Variants in ANKFN1 observed in about 807,000 individuals in gnomAD.
ANKFN1 encodes the protein ankyrin repeat and fibronectin type III domain containing 1, also known as ankyrin repeat and fibronectin type-III domain-containing protein 1.
Under a neutral mutation model 108.7 loss-of-function variants are expected in ANKFN1, and 74 were observed. The ratio of observed to expected loss-of-function variants is 0.68; its 90% CI spans 0.56 to 0.83. ANKFN1 has a LOEUF of 0.83. ANKFN1 is among the 40% of genes least tolerant of loss of function. The pLI is 0.00. For synonymous variants in ANKFN1, 547 were observed against 516.2 expected, an observed-to-expected ratio of 1.06 and a Z score of -0.81; for missense variants, 1,505 against 1,382.3, an observed-to-expected ratio of 1.09 and a Z score of -1.41.
At chr17:56,508,550 C>T (rs929696216) in intron 20 of ANKFN1, among the ~76,000 whole-genome samples, 2 of 151,982 alleles carry the variant, frequency 1.3e-5, no homozygotes, top group East Asian at 1.9e-4. Flanking sequence ...ATCCTCTTAT[C>T]GTTTGTATAT....
rs543341692 is a variant in ANKFN1, at chr17:56,393,740, TACTCATTCATTC to T, written c.910+19041_910+19052del. On this transcript the variant is annotated intron_variant, in intron 8 of 20. Transcript: ENST00000682825. ...GGGAGCATATAGTTAAGATGTCATT[TACTCATTCATTC>T]ACTCATTCATTCACCCATCATTCAA... 5.5e-3 allele frequency among the ~76,000 whole-genome samples: 835 copies of T among 152,368 alleles called. 6 individuals carry two copies. The highest frequency in any genetic ancestry group is 0.019 in the African/African-American group (786 of 41,580).
rs185826862 is a variant in ANKFN1 at position 56,293,819 on chromosome 17, C to T, written c.54-32402C>T. On this transcript the variant is annotated intron_variant, in intron 3 of 20. Coordinates refer to ENST00000682825, the MANE Select transcript of ANKFN1 (RefSeq NM_001370326.1). ...TTAGGCCATTTGTTGGTCCTTGGCT[C>T]CTTGAGGGAGAGAGCTGGGCCCTAA... Among the ~76,000 whole-genome samples the T allele has an allele frequency of 3.7e-4, 57 of 152,308 alleles. 1 individual carries two copies. Among genetic ancestry groups the T allele is most frequent in the Non-Finnish European group, 5.6e-4 (38 of 68,024 alleles).
At chr17:56,117,322 C>G (rs1178592125) in intron 4 of ANKFN1, among the ~76,000 whole-genome samples, 1 of 152,100 alleles carries the variant, frequency 6.6e-6, no homozygotes, top group Non-Finnish European at 1.5e-5. Context: ...CAAAGGACAC[C>G]TGATTTTAGT....
intron 1 of ANKFN1, among the ~76,000 whole-genome samples, chr17:56,178,356 G>A (rs574790400): frequency 1.4e-3 from 220 of 152,236 alleles, no homozygotes; most frequent in African/African-American, 4.8e-3. Context: ...CATTAGATAC[G>A]TAAAGTTCCC....
chr17:56,402,603 T>C (rs1429886564), intron 8 of ANKFN1, among the ~76,000 whole-genome samples: 1 of 152,194 alleles, frequency 6.6e-6, no homozygotes, highest in East Asian at 1.9e-4. Context: ...ATCTTGCTAA[T>C]AGTCCATCAA....
intron 1 of ANKFN1, among the ~76,000 whole-genome samples, chr17:56,170,797 T>TACACACACAC (rs1388858057): frequency 1.6e-5 from 1 of 62,646 alleles, no homozygotes; most frequent in African/African-American, 4.7e-5. Flanking sequence ...TATATATATA[T>TACACACACAC]ATATATATAT....
chr17:56,515,087 CA>C lies in ANKFN1; in HGVS notation c.*3820del, dbSNP rs771955958. ...CACTTAACAGCTTAAGTGAGTTCTC[CA>C]AGAGAAGGTATGTCTGCAACGCATT... On this transcript the variant is annotated 3_prime_UTR_variant, in exon 21 of 21. Transcript: ENST00000682825. 1.3e-5 allele frequency among the ~76,000 whole-genome samples: 2 copies of C among 151,718 alleles called. No homozygotes were observed. Among genetic ancestry groups the C allele is most frequent in the African/African-American group, 2.4e-5 (1 of 41,274 alleles).
At chr17:56,174,211 G>C (rs1910921406) in intron 1 of ANKFN1, 1 of 985,430 alleles carries the variant, frequency 1.0e-6, no homozygotes, top group South Asian at 4.7e-5. Flanking sequence ...ATGCCTGCAG[G>C]GTTCTCTCTT....
intron 4 of ANKFN1, among the ~76,000 whole-genome samples, chr17:56,147,682 G>C (rs926999686): frequency 6.6e-6 from 1 of 152,122 alleles, no homozygotes; most frequent in East Asian, 1.9e-4. Context: ...ATGAGATTTT[G>C]GTGGGGACAC....
At chr17:56,464,974 A>G (rs2050026845) in intron 14 of ANKFN1, among the ~76,000 whole-genome samples, 1 of 152,218 alleles carries the variant, frequency 6.6e-6, no homozygotes, top group African/African-American at 2.4e-5. Flanking sequence ...GCCAACTGTT[A>G]AATATTCGGG....
At chr17:56,098,122 C>G (rs1905567540) in intron 4 of ANKFN1, among the ~76,000 whole-genome samples, 1 of 152,100 alleles carries the variant, frequency 6.6e-6, no homozygotes, top group East Asian at 1.9e-4. Flanking sequence ...GGGAGTGATG[C>G]AATCACAAGT....
At chr17:56,355,459 T>C (rs999537578) in intron 6 of ANKFN1, among the ~76,000 whole-genome samples, 1 of 152,026 alleles carries the variant, frequency 6.6e-6, no homozygotes, top group Non-Finnish European at 1.5e-5. Context: ...CAAAGCAAAG[T>C]AGCAAGAGGG....
rs151264806 is a variant in ANKFN1 at position 56,274,565 on chromosome 17, G to C, written c.53+46608G>C. On this transcript the variant is annotated intron_variant, in intron 3 of 20. Coordinates refer to ENST00000682825, the MANE Select transcript of ANKFN1 (RefSeq NM_001370326.1). ...AAACTGAGGCTCAGAGAGCTTATTTGACTTCTCCAAGATCACACAGCTAGT... is the reference window on the plus strand; with the variant it reads ...AAACTGAGGCTCAGAGAGCTTATTTCACTTCTCCAAGATCACACAGCTAGT... Among the ~76,000 whole-genome samples, 534 of 152,242 alleles carry C rather than the reference G, an allele frequency of 3.5e-3. 4 individuals are homozygous for C. Among genetic ancestry groups the C allele is most frequent in the South Asian group, 7.7e-3 (37 of 4,818 alleles).
At chr17:56,405,103 G>C (rs887968933) in intron 8 of ANKFN1, among the ~76,000 whole-genome samples, 2 of 152,212 alleles carry the variant, frequency 1.3e-5, no homozygotes, top group African/African-American at 4.8e-5. Context: ...AGGGTTCTTA[G>C]CTCTGGTGGT....
intron 8 of ANKFN1, among the ~76,000 whole-genome samples, chr17:56,411,783 A>G (rs57065217): frequency 0.014 from 2,136 of 152,266 alleles, 44 homozygotes; most frequent in African/African-American, 0.049. Flanking sequence ...AATACAGTGT[A>G]TCACATTTAT....
At chr17:56,062,271 A>G (rs1598085866) in intron 4 of ANKFN1, among the ~76,000 whole-genome samples, 1 of 152,300 alleles carries the variant, frequency 6.6e-6, no homozygotes, top group East Asian at 1.9e-4. Context: ...GCTGAGTTCA[A>G]GTCCCAAATA....
intron 4 of ANKFN1, among the ~76,000 whole-genome samples, chr17:56,057,423 A>G (rs186367455): frequency 6.6e-6 from 1 of 152,332 alleles, no homozygotes; most frequent in Admixed American, 6.5e-5. Context: ...TATATTTCTT[A>G]AATACTAAGA....
intron 4 of ANKFN1, among the ~76,000 whole-genome samples, chr17:56,348,294 T>C (rs2046158083): frequency 6.6e-6 from 1 of 152,096 alleles, no homozygotes; most frequent in Admixed American, 6.6e-5. Flanking sequence ...GCATCATCCT[T>C]CCAAATGTAA....
At chr17:56,447,396 A>G (rs1043715392) in intron 10 of ANKFN1, among the ~76,000 whole-genome samples, 7 of 152,146 alleles carry the variant, frequency 4.6e-5, no homozygotes, top group African/African-American at 4.8e-5. Flanking sequence ...ACAAACTCCA[A>G]CCAAGCTTCT....
Sources: allele counts gnomAD v4.1 joint callset (sites outside exome capture counted in the v4.1 genomes callset), GRCh38; gene constraint gnomAD v4.1.1; transcripts MANE v1.5; gene names NCBI Gene and HGNC (gene_info 2026-07-23, HGNC 2026-07-21).